Variants in CASK observed in about 807,000 individuals in gnomAD.
The protein encoded by CASK is calcium/calmodulin dependent serine protein kinase.
In CASK, 4 loss-of-function variants were observed where a neutral mutation model predicts 82.9. The ratio of observed to expected loss-of-function variants is 0.05; its 90% confidence interval spans 0.02 to 0.11. CASK has a LOEUF of 0.11. Among genes scored for constraint, CASK ranks in the 10% least tolerant of loss-of-function variants. The pLI, the probability that CASK is intolerant of heterozygous loss-of-function variation, is 1.00. For missense variants in CASK, 358 were observed against 720.9 expected, an observed-to-expected ratio of 0.50 and a Z score of 5.76; for synonymous variants, 259 against 253.5, an observed-to-expected ratio of 1.02 and a Z score of -0.20.
chrX:41,612,421 C>T (rs1198957947), intron 11 of CASK, among the ~76,000 whole-genome samples: 7 of 104,449 alleles, frequency 6.7e-5, no homozygotes, highest in Non-Finnish European at 1.2e-4. Context: ...CCCCTCCGCC[C>T]GGCAGCCGCC....
chrX:41,834,211 G>A (rs1048572018), intron 2 of CASK, among the ~76,000 whole-genome samples: 16 of 111,436 alleles, frequency 1.4e-4, no homozygotes, highest in Non-Finnish European at 3.0e-4. Flanking sequence ...TTTGTTTGGC[G>A]CCCTGGAGAT....
At chrX:41,813,711 G>A (rs377391890) in intron 2 of CASK, among the ~76,000 whole-genome samples, 3 of 111,815 alleles carry the variant, frequency 2.7e-5, no homozygotes, top group East Asian at 5.6e-4. Flanking sequence ...AACACCAAAA[G>A]CCATGGCAAC....
chrX:41,774,639 A>G (rs1301234242), intron 3 of CASK, among the ~76,000 whole-genome samples: 2 of 111,446 alleles, frequency 1.8e-5, no homozygotes, highest in Non-Finnish European at 1.9e-5. Flanking sequence ...AAACTATACT[A>G]CAAGGCTACA....
At chrX:41,832,239 T>G (rs1032930446) in intron 2 of CASK, among the ~76,000 whole-genome samples, 7 of 111,630 alleles carry the variant, frequency 6.3e-5, no homozygotes, top group Middle Eastern at 4.6e-3. Context: ...TGGACTTTCC[T>G]GAATGTGGTG....
chrX:41,858,580 C>A (rs189847819), intron 1 of CASK, among the ~76,000 whole-genome samples: 1 of 111,382 alleles, frequency 9.0e-6, no homozygotes, highest in Non-Finnish European at 1.9e-5. Context: ...CTGTGAAGAG[C>A]CCCTTGTCTC....
At chrX:41,794,809 AT>A (rs1215909568) in intron 2 of CASK, among the ~76,000 whole-genome samples, 1 of 112,638 alleles carries the variant, frequency 8.9e-6, no homozygotes, top group African/African-American at 3.2e-5. Flanking sequence ...AAGAAAAAAA[AT>A]GTTCTTCACA....
intron 1 of CASK, among the ~76,000 whole-genome samples, chrX:41,889,979 G>A (rs1284459365): frequency 9.0e-6 from 1 of 111,248 alleles, no homozygotes; most frequent in Non-Finnish European, 1.9e-5. Flanking sequence ...CTTCCTTGTT[G>A]GCATACCTTT....
Position 41,627,277 on chromosome X carries a change from C to G in CASK, c.916-574G>C, listed in dbSNP as rs920944954. 2.7e-5 allele frequency among the ~76,000 whole-genome samples: 3 copies of G among 112,077 alleles called. No homozygotes were observed. In the Admixed American group the frequency reaches 2.8e-4, roughly 11 times the overall value. On this transcript the variant is annotated intron_variant, in intron 9 of 26. Transcript: ENST00000378163. ...ACACAACAGAATCAACTACATATGA[C>G]TCTTTTAAGCTATATGCATAGCCTC... is the stretch of plus-strand genomic sequence containing the variant.
rs776273856 is a variant in CASK at position 41,738,039 on chromosome X, A to G, written c.429+1345T>C. 2.6e-5 allele frequency among the ~76,000 whole-genome samples: 3 copies of G among 113,211 alleles called. No individual in the cohort carries two copies. In the East Asian group the frequency reaches 8.3e-4, roughly 31 times the overall value. ...GCCCAGGCTGGAGTGCAGTGGCACA[A>G]TCTCGGCTCACTGCAACCTGTGCCT... On this transcript the variant is annotated intron_variant, in intron 5 of 26. Transcript: ENST00000378163.
chrX:41,634,779 G>A (rs1008997765), intron 9 of CASK, among the ~76,000 whole-genome samples: 1 of 112,626 alleles, frequency 8.9e-6, no homozygotes, highest in African/African-American at 3.2e-5. Flanking sequence ...ATTTCACTTT[G>A]AATAATAAAA....
chrX:41,822,417 G>C (rs2147907167), intron 2 of CASK, among the ~76,000 whole-genome samples: 1 of 109,055 alleles, frequency 9.2e-6, no homozygotes, highest in East Asian at 2.9e-4. Context: ...GATTAGCTGG[G>C]CGTGGTGGTG....
intron 12 of CASK, among the ~76,000 whole-genome samples, chrX:41,597,625 C>T (rs960035391): frequency 8.9e-6 from 1 of 112,057 alleles, no homozygotes; most frequent in Non-Finnish European, 1.9e-5. Context: ...GTTTCAATGT[C>T]ACATCTTTTC....
At chrX:41,648,208 T>C (rs1217768101) in intron 8 of CASK, among the ~76,000 whole-genome samples, 4 of 111,032 alleles carry the variant, frequency 3.6e-5, no homozygotes, top group South Asian at 3.8e-4. Flanking sequence ...ATGGTCAAGA[T>C]TGCAGAGGTA....
At position 41,629,871 on chromosome X, in the gene CASK, TA is replaced by T. The variant is rs989365624; in HGVS notation, c.916-3169del. On this transcript the variant is annotated intron_variant, in intron 9 of 26. Coordinates refer to ENST00000378163, the MANE Select transcript of CASK (RefSeq NM_001367721.1). Reference sequence around the variant, plus strand: ...GATAGCAATAATGTAATACAACAATTAAAAAATCAGATTTTATACAAGTAGT... The same window carrying T: ...GATAGCAATAATGTAATACAACAATTAAAAATCAGATTTTATACAAGTAGT... Among the ~76,000 whole-genome samples, 5 of 112,015 alleles carry T rather than the reference TA, an allele frequency of 4.5e-5. No individual in the cohort carries two copies. The Admixed American group carries it at 4.8e-4, about 11-fold the overall frequency.
At chrX:41,794,486 G>T (rs777906946) in intron 2 of CASK, among the ~76,000 whole-genome samples, 4 of 112,265 alleles carry the variant, frequency 3.6e-5, no homozygotes, top group African/African-American at 6.5e-5. Context: ...TAAACCAAAG[G>T]GGGGAAGATC....
At chrX:41,809,073 G>C (rs144815902) in intron 2 of CASK, among the ~76,000 whole-genome samples, 9,182 of 112,203 alleles carry the variant, frequency 0.082, 379 homozygotes, top group Non-Finnish European at 0.13. Flanking sequence ...GGCTTAAGTA[G>C]GTAAACAAAG....
intron 8 of CASK, among the ~76,000 whole-genome samples, chrX:41,639,413 GA>G (rs2066611500): frequency 1.1e-5 from 1 of 89,383 alleles, no homozygotes; most frequent in African/African-American, 4.1e-5. Flanking sequence ...GTTTTGCCGA[GA>G]ATAGATTGGA....
At chrX:41,766,911 T>C (rs1369578777) in intron 3 of CASK, among the ~76,000 whole-genome samples, 1 of 111,577 alleles carries the variant, frequency 9.0e-6, no homozygotes, top group Non-Finnish European at 1.9e-5. Context: ...AAGAGCATTA[T>C]GCATAAATAT....
At position 41,915,990 on chromosome X, in the gene CASK, A is replaced by AACACAC. The variant is rs200862362; in HGVS notation, c.59+6934_59+6939dup. Among the ~76,000 whole-genome samples the AACACAC allele has an allele frequency of 2.7e-3, 285 of 105,261 alleles. 2 individuals carry two copies. Among genetic ancestry groups the AACACAC allele is most frequent in the African/African-American group, 9.1e-3 (262 of 28,711 alleles). 91.4% of individuals were successfully genotyped at this position (105,261 alleles called of 115,157 possible). On this transcript the variant is annotated intron_variant, in intron 1 of 26. Transcript: ENST00000378163. ...GCGACAGAGTGAGACTCCGTCTCAA[A>AACACAC]ACACACACACACACACACACACACA...
Sources: allele counts gnomAD v4.1 joint callset (sites outside exome capture counted in the v4.1 genomes callset), GRCh38; gene constraint gnomAD v4.1.1; transcripts MANE v1.5; gene names NCBI Gene and HGNC (gene_info 2026-07-23, HGNC 2026-07-21).